Variants in RTKN2 observed in about 807,000 individuals in gnomAD.
RTKN2 encodes the protein rhotekin-2.
RTKN2 carries 69 observed loss-of-function variants against 71.5 expected under a neutral mutation model. The ratio of observed to expected loss-of-function variants is 0.96; its 90% CI spans 0.79 to 1.18. The LOEUF (loss-of-function observed/expected upper bound fraction) is 1.18, where lower values mean the gene tolerates loss of function less well. Among genes scored for constraint, RTKN2 ranks in the 50% most tolerant of loss-of-function variants. The pLI is 0.00. For synonymous variants in RTKN2, 236 were observed against 236.5 expected (o/e 1.00, Z 0.02); for missense variants, 724 against 719.7 (o/e 1.01, Z -0.07).
At chr10:62,256,002 A>T (rs189962038) in intron 2 of RTKN2, among the ~76,000 whole-genome samples, 1 of 149,522 alleles carries the variant, frequency 6.7e-6, no homozygotes, top group Non-Finnish European at 1.5e-5. Context: ...TTTAAAGGCT[A>T]TATTTTTAAA....
intron 6 of RTKN2, among the ~76,000 whole-genome samples, chr10:62,230,540 G>A (rs1433542745): frequency 6.6e-6 from 1 of 152,124 alleles, no homozygotes; most frequent in Non-Finnish European, 1.5e-5. Context: ...CCACCCCTAG[G>A]AATCAACTGC....
intron 9 of RTKN2, among the ~76,000 whole-genome samples, chr10:62,209,072 C>A (rs188691843): frequency 1.3e-5 from 2 of 152,124 alleles, no homozygotes; most frequent in Admixed American, 1.3e-4. Context: ...GAGTTCGAGA[C>A]CAGCCTAACC....
intron 2 of RTKN2, among the ~76,000 whole-genome samples, chr10:62,253,307 A>C (rs1842615645): frequency 6.6e-6 from 1 of 152,216 alleles, no homozygotes; most frequent in Non-Finnish European, 1.5e-5. Flanking sequence ...ATATATCGCA[A>C]GTACCGAATG....
At chr10:62,187,235 TGTAA>T (rs1170345428) in intron 8 of RTKN2, among the ~76,000 whole-genome samples, 1 of 151,310 alleles carries the variant, frequency 6.6e-6, no homozygotes, top group Non-Finnish European at 1.5e-5. Flanking sequence ...GCTTTGTTCT[TGTAA>T]GTGACTATTT....
Position 62,241,145 on chromosome 10 carries a change from C to A in RTKN2, c.367G>T (p.Glu123Ter), listed in dbSNP as rs778515626. The change falls in exon 4 of 12, where the codon GAA becomes TAA. Residue 123 changes from glutamate (E) to a stop codon, truncating the protein, a stop_gained. Transcript: ENST00000373789. LOFTEE classifies it high-confidence loss of function. ...WKDSDHFSNKERSRRYAIFCL... is the reference protein window; with the variant it reads ...WKDSDHFSNK ...TACAAATTAAAATCATACATACGTT[C>A]TTTATTGCTGAAGTGATCAGAGTCT... 2 of 1,528,334 alleles carry A rather than the reference C, an allele frequency of 1.3e-6. No individual in the cohort carries two copies. Among genetic ancestry groups the A allele is most frequent in the Admixed American group, 1.8e-5 (1 of 55,662 alleles). The allele number at this position is 1,528,334 out of a possible 1,614,324, so 94.7% of individuals were successfully genotyped here.
In RTKN2 at chr10:62,197,235, G is replaced by T. The variant is rs544717752; in HGVS notation, c.*673C>A. 1 of 985,362 alleles carries T rather than the reference G, an allele frequency of 1.0e-6. No homozygotes were observed. The highest frequency in any genetic ancestry group is 4.7e-5 in the South Asian group (1 of 21,284). 61.0% of individuals were successfully genotyped at this position (985,362 alleles called of 1,614,324 possible). A position where few individuals can be genotyped will look rare whatever the true frequency, so the allele number is the denominator to read the frequency against. ...CTACCATTTCTCTAAACTAGTAAGTGTTATGCTTCATTTATGAAAGTTAAT... is the reference window on the plus strand; with the variant it reads ...CTACCATTTCTCTAAACTAGTAAGTTTTATGCTTCATTTATGAAAGTTAAT... On this transcript the variant is annotated 3_prime_UTR_variant, in exon 12 of 12. Transcript: ENST00000373789.
downstream of RTKN2, among the ~76,000 whole-genome samples, chr10:62,192,037 A>G (rs559100664): frequency 1.1e-3 from 167 of 145,674 alleles, no homozygotes; most frequent in African/African-American, 4.4e-3. Flanking sequence ...AAACACAACT[A>G]TATTATAAGG....
intron 2 of RTKN2, among the ~76,000 whole-genome samples, chr10:62,250,920 T>A (rs1046496555): frequency 6.6e-6 from 1 of 152,212 alleles, no homozygotes; most frequent in Non-Finnish European, 1.5e-5. Flanking sequence ...CATGAGCCAC[T>A]GTGCCTGGCC....
chr10:62,248,731 T>C (rs1039529565), intron 2 of RTKN2, among the ~76,000 whole-genome samples: 9 of 152,194 alleles, frequency 5.9e-5, no homozygotes, highest in South Asian at 2.1e-4. Context: ...ATCTGCCACA[T>C]TGTTGCTCAA....
chr10:62,195,836 A>T lies in RTKN2; in HGVS notation c.*2072T>A, dbSNP rs113610360. On this transcript the variant is annotated 3_prime_UTR_variant, in exon 12 of 12. Coordinates refer to ENST00000373789, the MANE Select transcript of RTKN2 (RefSeq NM_145307.4). Reference sequence around the variant, plus strand: ...GGGGAGGGGGTGGTGGTCCTTGCTCAGGCTTTTAAATGGTTCTAGGTAAAA... The same window carrying T: ...GGGGAGGGGGTGGTGGTCCTTGCTCTGGCTTTTAAATGGTTCTAGGTAAAA... 1,281 of 985,424 alleles carry T rather than the reference A, an allele frequency of 1.3e-3. 14 individuals carry two copies. In the African/African-American group the frequency reaches 0.02, roughly 16 times the overall value. The allele number at this position is 985,424 out of a possible 1,614,324, so 61.0% of individuals were successfully genotyped here.
Position 62,197,597 on chromosome 10 carries a change from T to C in RTKN2, c.*311A>G, listed in dbSNP as rs1841354933. 9.4e-7 allele frequency: 1 copy of C among 1,069,182 alleles called. No homozygotes were observed. The highest frequency in any genetic ancestry group is 1.1e-6 in the Non-Finnish European group (1 of 884,638). 66.2% of individuals were successfully genotyped at this position (1,069,182 alleles called of 1,614,324 possible). On this transcript the variant is annotated 3_prime_UTR_variant, in exon 12 of 12. Coordinates refer to ENST00000373789, the MANE Select transcript of RTKN2 (RefSeq NM_145307.4). ...AGTCTCTCCCCAAAAGAAATTTTAA[T>C]GCTTTATTCTGCCTAGGGCTTATTC... is the stretch of plus-strand genomic sequence containing the variant.
At chr10:62,209,148 A>C (rs1841607366) in intron 9 of RTKN2, among the ~76,000 whole-genome samples, 1 of 152,046 alleles carries the variant, frequency 6.6e-6, no homozygotes, top group Non-Finnish European at 1.5e-5. Flanking sequence ...CATGCCTGTA[A>C]TCCCAGCTAC....
At chr10:62,235,843 T>A (rs766064680) in intron 6 of RTKN2, among the ~76,000 whole-genome samples, 7 of 152,060 alleles carry the variant, frequency 4.6e-5, no homozygotes, top group Non-Finnish European at 1.0e-4. Context: ...GATATTCAAC[T>A]TGTATTAGAA....
At chr10:62,234,073 A>G (rs766232258) in intron 6 of RTKN2, among the ~76,000 whole-genome samples, 3 of 152,206 alleles carry the variant, frequency 2.0e-5, no homozygotes, top group Non-Finnish European at 4.4e-5. Flanking sequence ...AGAAAAATAC[A>G]AGGTGAAAGG....
chr10:62,214,862 C>T (rs1016588902), intron 9 of RTKN2, among the ~76,000 whole-genome samples: 1 of 152,072 alleles, frequency 6.6e-6, no homozygotes, highest in African/African-American at 2.4e-5. Context: ...ATAGCAAAAA[C>T]AGTCCATGAA....
chr10:62,241,831 T>C (rs1289096564), intron 3 of RTKN2, among the ~76,000 whole-genome samples: 1 of 152,166 alleles, frequency 6.6e-6, no homozygotes, highest in East Asian at 1.9e-4. Context: ...CCCGAGTAGC[T>C]GGGACTACAG....
chr10:62,199,253 G>C (rs1841391597), intron 11 of RTKN2, among the ~76,000 whole-genome samples: 1 of 152,142 alleles, frequency 6.6e-6, no homozygotes, highest in Admixed American at 6.5e-5. Context: ...ACCCTTCAAG[G>C]TGTGGGAAAT....
In RTKN2 at chr10:62,218,240, T is replaced by C. The variant is rs1207074579; in HGVS notation, c.843A>G (p.Pro281=). Residue 281 remains proline, a synonymous_variant, in exon 8 of 12, where the codon CCA becomes CCG. Transcript: ENST00000373789. ...CAAATGCATCCTCAGCCATACAAGC[T>C]GGCTGGGCAACTAGTCGGCAGCACA... ...GNMCCRLVAQ[P]ACMAEDAFAG... 1 of 1,613,566 alleles carries C rather than the reference T, an allele frequency of 6.2e-7. No homozygotes were observed. Among genetic ancestry groups the C allele is most frequent in the South Asian group, 1.1e-5 (1 of 91,020 alleles).
At chr10:62,231,959 G>A (rs578132662) in intron 6 of RTKN2, among the ~76,000 whole-genome samples, 11 of 152,084 alleles carry the variant, frequency 7.2e-5, no homozygotes, top group South Asian at 4.1e-4. Flanking sequence ...GAGTAGTCCC[G>A]GGCTATGAGT....
Sources: allele counts gnomAD v4.1 joint callset (sites outside exome capture counted in the v4.1 genomes callset), GRCh38; gene constraint gnomAD v4.1.1; transcripts MANE v1.5; gene names NCBI Gene and HGNC (gene_info 2026-07-23, HGNC 2026-07-21).